Variants in MEOX1 observed in about 807,000 individuals in gnomAD.
MEOX1 encodes the protein mesenchyme homeobox 1.
In MEOX1, 17 loss-of-function variants were observed where a neutral mutation model predicts 23.2. The ratio of observed to expected loss-of-function variants is 0.73; its 90% CI spans 0.50 to 1.10. The LOEUF (loss-of-function observed/expected upper bound fraction) is 1.10. MEOX1 is among the 50% of genes least tolerant of loss of function. MEOX1 has a pLI of 0.00. For synonymous variants in MEOX1, 134 were observed against 135.1 expected (o/e 0.99, Z 0.06); for missense variants, 333 against 332.2 (o/e 1.00, Z -0.02).
chr17:43,660,661 AAGC>A (rs1973119287), intron 1 of MEOX1, among the ~76,000 whole-genome samples: 1 of 152,168 alleles, frequency 6.6e-6, no homozygotes, highest in Non-Finnish European at 1.5e-5. Flanking sequence ...CTTCCCTGGT[AAGC>A]GAGCCCTGTG....
chr17:43,658,568 A>C (rs1468956850), intron 1 of MEOX1, among the ~76,000 whole-genome samples: 1 of 152,186 alleles, frequency 6.6e-6, no homozygotes, highest in Non-Finnish European at 1.5e-5. Context: ...TAATGCAAAA[A>C]ATTGATAATG....
chr17:43,661,193 C>A lies in MEOX1; in HGVS notation c.342G>T (p.Lys114Asn). Residue 114 changes from lysine (K) to asparagine (N), a missense_variant, in exon 1 of 3, where the codon AAG becomes AAT. Coordinates refer to ENST00000318579, the MANE Select transcript of MEOX1 (RefSeq NM_004527.4). ...GGCCCAGGCTGCTGGTCCCCATTTC[C>A]TTGGAACCCCCTGCCGGGCCTGAGT... ...RPNSGPAGGS[K>N]EMGTSSLGLV... The A allele has an allele frequency of 6.2e-7, 1 of 1,607,420 alleles. No homozygotes were observed. The highest frequency in any genetic ancestry group is 1.1e-5 in the South Asian group (1 of 89,854).
chr17:43,641,975 G>C lies in MEOX1; in HGVS notation c.700C>G (p.Pro234Ala). The change falls in exon 3 of 3, where the codon CCC becomes GCC. Residue 234 changes from proline to alanine, a missense_variant. By Grantham distance (27) the Pro-to-Ala change is conservative (BLOSUM62 -1). Coordinates refer to ENST00000318579, the MANE Select transcript of MEOX1 (RefSeq NM_004527.4). ...GGGTCCTGCCCATTGGGGGAGATGGGCTGACCTCCCTTCACACGCTTCCAC... is the reference window on the plus strand; with the variant it reads ...GGGTCCTGCCCATTGGGGGAGATGGCCTGACCTCCCTTCACACGCTTCCAC... ...MKWKRVKGGQ[P>A]ISPNGQDPED... 6.2e-7 allele frequency: 1 copy of C among 1,614,004 alleles called. No individual in the cohort carries two copies. The highest frequency in any genetic ancestry group is 8.5e-7 in the Non-Finnish European group (1 of 1,179,930).
In MEOX1 at chr17:43,640,488, T is replaced by A. The variant is rs569411234; in HGVS notation, c.*1422A>T. Reference sequence around the variant, plus strand: ...TAATCTTAAGAAAATATATGAAGTATGCTTTAGAAAAAATCATGCTCTAAC... The same window carrying A: ...TAATCTTAAGAAAATATATGAAGTAAGCTTTAGAAAAAATCATGCTCTAAC... On this transcript the variant is annotated 3_prime_UTR_variant, in exon 3 of 3. Coordinates refer to ENST00000318579, the MANE Select transcript of MEOX1 (RefSeq NM_004527.4). 6.6e-6 allele frequency: 1 copy of A among 152,354 alleles called. No homozygotes were observed. Among genetic ancestry groups the A allele is most frequent in the East Asian group, 1.9e-4 (1 of 5,192 alleles). 9.4% of individuals were successfully genotyped at this position (152,354 alleles called of 1,614,324 possible).
chr17:43,643,682 C>A (rs763823782), intron 1 of MEOX1, 22 bp from the exon 2 acceptor site: 4 of 1,607,030 alleles, frequency 2.5e-6, no homozygotes, highest in Non-Finnish European at 3.4e-6. Flanking sequence ...GGACCCCAAA[C>A]AGGAAGACAT....
intron 1 of MEOX1, among the ~76,000 whole-genome samples, chr17:43,647,067 G>GGATA (rs1972827961): frequency 6.6e-6 from 1 of 152,212 alleles, no homozygotes; most frequent in Non-Finnish European, 1.5e-5. Context: ...TGAAGGGCTG[G>GGATA]GATAGAAACA....
intron 1 of MEOX1, 46 bp from the exon 2 acceptor site, chr17:43,643,706 C>T: frequency 6.6e-7 from 1 of 1,518,956 alleles, no homozygotes; most frequent in Non-Finnish European, 9.0e-7. Flanking sequence ...CTGAGGGAGA[C>T]TCCATTCCCT....
chr17:43,642,266 TA>T (rs1009159091), intron 2 of MEOX1, among the ~76,000 whole-genome samples: 2 of 152,214 alleles, frequency 1.3e-5, no homozygotes, highest in African/African-American at 4.8e-5. Context: ...GAACATGTTC[TA>T]AAAGCACTCT....
At chr17:43,645,169 A>AT (rs1567742598) in intron 1 of MEOX1, among the ~76,000 whole-genome samples, 1 of 129,712 alleles carries the variant, frequency 7.7e-6, no homozygotes, top group African/African-American at 3.4e-5. Context: ...TTCATTAATT[A>AT]TCTTTTTTTT....
intron 2 of MEOX1, 70 bp from the exon 3 acceptor site, chr17:43,642,102 G>A (rs1972708405): frequency 6.6e-7 from 1 of 1,523,120 alleles, no homozygotes; most frequent in Non-Finnish European, 8.9e-7. Context: ...TCAATGCTTA[G>A]GCTAGCCAGG....
intron 1 of MEOX1, among the ~76,000 whole-genome samples, chr17:43,657,006 TTCTTTC>T (rs751843733): frequency 0.023 from 2,556 of 108,844 alleles, 91 homozygotes; most frequent in African/African-American, 0.09. Context: ...TTTTCTTTCT[TTCTTTC>T]TCTTTCTTTC....
chr17:43,651,783 G>T (rs1056562453), intron 1 of MEOX1, among the ~76,000 whole-genome samples: 6 of 152,222 alleles, frequency 3.9e-5, no homozygotes, highest in Non-Finnish European at 7.3e-5. Context: ...AGAGAAATAG[G>T]TGAGCGGGCA....
At position 43,641,841 on chromosome 17, in the gene MEOX1, G is replaced by A. The variant is rs973472864; in HGVS notation, c.*69C>T. 26 of 1,503,272 alleles carry A rather than the reference G, an allele frequency of 1.7e-5. No individual in the cohort carries two copies. Among genetic ancestry groups the A allele is most frequent in the Non-Finnish European group, 2.3e-5 (26 of 1,112,298 alleles). The allele number at this position is 1,503,272 out of a possible 1,614,324, so 93.1% of individuals were successfully genotyped here. On this transcript the variant is annotated 3_prime_UTR_variant, in exon 3 of 3. Transcript: ENST00000318579. ...CTGGCTGGGGAAGGAAGAGGGTGAA[G>A]GTGGGATTGGGGTGGGGGTAGTTGG...
intron 1 of MEOX1, among the ~76,000 whole-genome samples, chr17:43,651,980 G>A (rs1283373384): frequency 6.6e-6 from 1 of 152,166 alleles, no homozygotes; most frequent in Non-Finnish European, 1.5e-5. Context: ...GCCTGAGCAG[G>A]CCCAGGCGTG....
intron 1 of MEOX1, among the ~76,000 whole-genome samples, chr17:43,656,276 G>A (rs1013320232): frequency 1.3e-5 from 2 of 152,088 alleles, no homozygotes; most frequent in Admixed American, 6.5e-5. Flanking sequence ...GCAGAAGTAC[G>A]GGGAAGGGGA....
At chr17:43,646,911 T>G (rs898876410) in intron 1 of MEOX1, among the ~76,000 whole-genome samples, 8 of 152,166 alleles carry the variant, frequency 5.3e-5, no homozygotes, top group African/African-American at 1.7e-4. Context: ...CGTTTGAACC[T>G]GGGAGGCGGA....
chr17:43,650,932 C>A (rs1053533790), intron 1 of MEOX1, among the ~76,000 whole-genome samples: 14 of 152,162 alleles, frequency 9.2e-5, no homozygotes, highest in African/African-American at 3.4e-4. Context: ...CTGTAGGTGC[C>A]TAAAGAGACA....
chr17:43,651,928 A>G (rs955367044), intron 1 of MEOX1, among the ~76,000 whole-genome samples: 9 of 152,188 alleles, frequency 5.9e-5, no homozygotes, highest in African/African-American at 2.2e-4. Flanking sequence ...GCCTCAGCAG[A>G]AACGGACTTT....
intron 1 of MEOX1, among the ~76,000 whole-genome samples, chr17:43,656,650 G>A (rs998745072): frequency 3.9e-5 from 6 of 152,150 alleles, no homozygotes; most frequent in South Asian, 2.1e-4. Context: ...GAGCAGGAGG[G>A]AGCAGTGCTG....
Sources: gnomAD v4.1 joint callset for allele counts (sites outside exome capture counted in the v4.1 genomes callset) on GRCh38, gnomAD v4.1.1 for gene constraint, MANE v1.5 for transcripts, NCBI Gene and HGNC (gene_info 2026-07-23, HGNC 2026-07-21) for gene names.